The following ZNF280D variants were observed in gnomAD, a reference collection of about 807,000 sequenced individuals.
ZNF280D encodes the protein zinc finger protein 280D.
A neutral mutation model predicts 94.7 loss-of-function variants in ZNF280D; 39 were observed. The ratio of observed to expected loss-of-function variants is 0.41; its 90% CI spans 0.32 to 0.54. ZNF280D has a LOEUF of 0.54. Among genes scored for constraint, ZNF280D ranks in the 20% least tolerant of loss-of-function variants. The pLI, the probability that ZNF280D is intolerant of heterozygous loss-of-function variation, is 0.22. For missense variants in ZNF280D, 1,090 were observed against 1,149.3 expected (o/e 0.95, Z 0.75); for synonymous variants, 398 against 377.6 (o/e 1.05, Z -0.63).
At chr15:56,711,588 G>C (rs2057761331) in intron 1 of ZNF280D, among the ~76,000 whole-genome samples, 1 of 152,136 alleles carries the variant, frequency 6.6e-6, no homozygotes, top group Non-Finnish European at 1.5e-5. Context: ...CTTTAACCAG[G>C]AGGCAGAGGT....
intron 20 of ZNF280D, among the ~76,000 whole-genome samples, chr15:56,641,233 C>T (rs1596328816): frequency 6.6e-6 from 1 of 151,828 alleles, no homozygotes; most frequent in East Asian, 1.9e-4. Flanking sequence ...TCAAAATTAC[C>T]TTCAATTGTT....
In ZNF280D at chr15:56,631,246, T is replaced by A. The variant is rs1285028130; in HGVS notation, c.*252A>T. ...CTTGAAAACCATTAAATGAGACCTT[T>A]CCACTGCAAATTTAATTATCATTAA... On this transcript the variant is annotated 3_prime_UTR_variant, in exon 22 of 22. Transcript: ENST00000267807. 3 of 398,604 alleles carry A rather than the reference T, an allele frequency of 7.5e-6. No homozygotes were observed. In the Admixed American group the frequency reaches 1.2e-4, roughly 16 times the overall value. 24.7% of individuals were successfully genotyped at this position (398,604 alleles called of 1,614,324 possible).
chr15:56,730,041 C>G (rs146555040), intron 1 of ZNF280D: 29 of 151,946 alleles, frequency 1.9e-4, no homozygotes, highest in Admixed American at 6.5e-4. Flanking sequence ...ATTTTTACTC[C>G]TATAAATTAT....
chr15:56,656,085 C>T (rs1566941393), intron 17 of ZNF280D, among the ~76,000 whole-genome samples: 1 of 152,158 alleles, frequency 6.6e-6, no homozygotes, highest in Non-Finnish European at 1.5e-5. Flanking sequence ...AAATAAGTCT[C>T]ATTGCACTTA....
chr15:56,653,724 T>C (rs2053352531), intron 19 of ZNF280D: 6 of 1,315,854 alleles, frequency 4.6e-6, no homozygotes, highest in Non-Finnish European at 5.8e-6. Flanking sequence ...CAAACAGCCA[T>C]ATAATTTGGA....
At chr15:56,633,170 GA>G (rs1490998617) in intron 21 of ZNF280D, among the ~76,000 whole-genome samples, 9 of 152,152 alleles carry the variant, frequency 5.9e-5, no homozygotes, top group African/African-American at 2.2e-4. Context: ...CTGACATTTA[GA>G]CGTATTCCCA....
intron 1 of ZNF280D, among the ~76,000 whole-genome samples, chr15:56,719,193 T>A (rs1046132127): frequency 3.3e-5 from 5 of 152,124 alleles, no homozygotes; most frequent in Non-Finnish European, 7.4e-5. Flanking sequence ...CAGGTTGAAA[T>A]TTGATCCCCA....
chr15:56,719,373 C>T (rs926402063), intron 1 of ZNF280D, among the ~76,000 whole-genome samples: 13 of 151,162 alleles, frequency 8.6e-5, no homozygotes, highest in African/African-American at 3.2e-4. Flanking sequence ...AAAAGCCTGG[C>T]ACCTCCCTCC....
At chr15:56,709,528 T>C (rs1287519198) in intron 1 of ZNF280D, among the ~76,000 whole-genome samples, 1 of 152,204 alleles carries the variant, frequency 6.6e-6, no homozygotes, top group African/African-American at 2.4e-5. Context: ...CAAAGGATTA[T>C]AAATCATGTT....
intron 10 of ZNF280D, among the ~76,000 whole-genome samples, chr15:56,680,694 C>T (rs2055559103): frequency 6.7e-6 from 1 of 150,140 alleles, no homozygotes; most frequent in African/African-American, 2.5e-5. Flanking sequence ...CCAGGCTGGT[C>T]TGGAACTCCT....
At chr15:56,699,440 C>T in intron 6 of ZNF280D, 1 of 815,492 alleles carries the variant, frequency 1.2e-6, no homozygotes, top group Non-Finnish European at 1.5e-6. Context: ...TACACATGTT[C>T]ATTTTTTGGT....
rs533500053 is a variant in ZNF280D, at chr15:56,685,290, T to C, written c.781-2813A>G. 2.0e-5 allele frequency among the ~76,000 whole-genome samples: 3 copies of C among 151,934 alleles called. No individual in the cohort carries two copies. The South Asian group carries it at 6.2e-4, about 32-fold the overall frequency. ...TGACAAAAACACTGATGATGAACAG[T>C]GGATTATATTTACTGTAGAAAAAGA... On this transcript the variant is annotated intron_variant, in intron 9 of 21. Transcript: ENST00000267807.
chr15:56,700,252 C>T (rs755281119), intron 6 of ZNF280D: 3 of 835,592 alleles, frequency 3.6e-6, no homozygotes, highest in Non-Finnish European at 4.3e-6. Context: ...GGATTGAAAT[C>T]CCAGATCCAT....
At chr15:56,718,488 G>T (rs562760587) in intron 1 of ZNF280D, among the ~76,000 whole-genome samples, 1 of 152,244 alleles carries the variant, frequency 6.6e-6, no homozygotes, top group African/African-American at 2.4e-5. Flanking sequence ...TAACATTTTT[G>T]TAAATGCAAA....
At chr15:56,682,655 A>G (rs1469538875) in intron 9 of ZNF280D, among the ~76,000 whole-genome samples, 178 bp from the exon 10 acceptor site, 1 of 151,994 alleles carries the variant, frequency 6.6e-6, no homozygotes, top group Non-Finnish European at 1.5e-5. Context: ...AAAAATTCAA[A>G]TAATAAACAC....
intron 19 of ZNF280D, among the ~76,000 whole-genome samples, chr15:56,650,587 T>C (rs1471134061): frequency 1.3e-5 from 2 of 152,148 alleles, no homozygotes; most frequent in African/African-American, 4.8e-5. Context: ...TTAGGATATT[T>C]GATTCAACAA....
chr15:56,676,924 T>C lies in ZNF280D; in HGVS notation c.1264-108A>G, dbSNP rs564382935. 2.2e-4 allele frequency: 184 copies of C among 821,352 alleles called. No individual in the cohort carries two copies. The Middle Eastern group carries it at 4.6e-3, about 20-fold the overall frequency. The allele number at this position is 821,352 out of a possible 1,614,324, so 50.9% of individuals were successfully genotyped here. A position where few individuals can be genotyped will look rare whatever the true frequency, so the allele number is the denominator to read the frequency against. On this transcript the variant is annotated intron_variant, in intron 12 of 21. Coordinates refer to ENST00000267807, the MANE Select transcript of ZNF280D (RefSeq NM_017661.4). Reference sequence around the variant, plus strand: ...TCAGGAGAACATTATGTACTACTAATCTAGCTCTGATGCCTTTGCAACCAA... The same window carrying C: ...TCAGGAGAACATTATGTACTACTAACCTAGCTCTGATGCCTTTGCAACCAA...
At chr15:56,693,906 C>T (rs567245581) in intron 6 of ZNF280D, among the ~76,000 whole-genome samples, 1 of 152,110 alleles carries the variant, frequency 6.6e-6, no homozygotes, top group African/African-American at 2.4e-5. Context: ...TAGAAAGCCA[C>T]GCTAGGCCAG....
At chr15:56,653,181 T>G (rs2053311949) in intron 19 of ZNF280D, 1 of 1,039,106 alleles carries the variant, frequency 9.6e-7, no homozygotes, top group Admixed American at 5.6e-5. Context: ...TCCTAACAAC[T>G]AGAGTTTTTA....
Sources: allele counts gnomAD v4.1 joint callset (sites outside exome capture counted in the v4.1 genomes callset), GRCh38; gene constraint gnomAD v4.1.1; transcripts MANE v1.5; gene names NCBI Gene and HGNC (gene_info 2026-07-23, HGNC 2026-07-21).